PREX1: variants seen among roughly 807,000 people sequenced by gnomAD.
PREX1 encodes the protein phosphatidylinositol 3,4,5-trisphosphate-dependent Rac exchanger 1 protein.
Under a neutral mutation model 198.3 loss-of-function variants are expected in PREX1, and 41 were observed. That is an observed-to-expected ratio of 0.21 (90% CI 0.16 to 0.27). The LOEUF (loss-of-function observed/expected upper bound fraction) is 0.27, where lower values mean the gene tolerates loss of function less well. Ranked by LOEUF, PREX1 falls within the 10% of genes least tolerant of loss-of-function variation. The pLI is 1.00. For missense variants in PREX1, 1,620 were observed against 2,200.7 expected, an observed-to-expected ratio of 0.74 and a Z score of 5.28; for synonymous variants, 843 against 887.2, an observed-to-expected ratio of 0.95 and a Z score of 0.89.
At chr20:48,695,627 G>A (rs2089841386) in intron 7 of PREX1, among the ~76,000 whole-genome samples, 1 of 152,180 alleles carries the variant, frequency 6.6e-6, no homozygotes, top group Admixed American at 6.5e-5. Context: ...TACAGTAGGA[G>A]CTCATTAATA....
intron 1 of PREX1, among the ~76,000 whole-genome samples, chr20:48,748,182 CA>C (rs1209641848): frequency 6.6e-6 from 1 of 152,116 alleles, no homozygotes; most frequent in African/African-American, 2.4e-5. Flanking sequence ...ACCTTTGGCC[CA>C]AAAAGATACA....
Position 48,745,106 on chromosome 20 carries a change from C to T in PREX1, c.333G>A (p.Lys111=), listed in dbSNP as rs368442186. 15 of 1,614,032 alleles carry T rather than the reference C, an allele frequency of 9.3e-6. No homozygotes were observed. The African/African-American group carries it at 1.9e-4, about 20-fold the overall frequency. ...AATACTCCAAGGCGGCCAAGAAATC[C>T]TTATGAACTTCCAGGATGTCTTCGA... ...SNIEDILEVH[K]DFLAALEYCL... is the part of the protein sequence containing the mutation. The change falls in exon 3 of 40, where the codon AAG becomes AAA. Residue 111 remains lysine (K), a synonymous_variant. Coordinates refer to ENST00000371941, the MANE Select transcript of PREX1 (RefSeq NM_020820.4).
chr20:48,665,068 A>ACTCCAGACGGCCTGAATTCTAATCCCGG lies in PREX1; in HGVS notation c.1738+1187_1738+1214dup, dbSNP rs1181622453. ...CCAGACGGCCTGAATTCTAATCCCG[A>ACTCCAGACGGCCTGAATTCTAATCCCGG]CTCCAGACGGCCTGAATTCTAATCC... On this transcript the variant is annotated intron_variant, in intron 15 of 39. Coordinates refer to ENST00000371941, the MANE Select transcript of PREX1 (RefSeq NM_020820.4). 7.4e-3 allele frequency among the ~76,000 whole-genome samples: 600 copies of ACTCCAGACGGCCTGAATTCTAATCCCGG among 81,096 alleles called. 180 individuals carry two copies. Among genetic ancestry groups the ACTCCAGACGGCCTGAATTCTAATCCCGG allele is most frequent in the Admixed American group, 8.8e-3 (56 of 6,348 alleles). The allele number at this position is 81,096 out of a possible 152,430, so 53.2% of individuals were successfully genotyped here.
intron 8 of PREX1, chr20:48,692,445 G>A: frequency 4.5e-6 from 2 of 440,956 alleles, no homozygotes; most frequent in Admixed American, 3.5e-5. Flanking sequence ...CTTCTAGGGG[G>A]AAGAAGGCAT....
At chr20:48,863,733 A>C in the PREX1 span, among the ~76,000 whole-genome samples, 1 of 151,708 alleles carries the variant, frequency 6.6e-6, no homozygotes, top group Non-Finnish European at 1.5e-5. Context: ...GACTACAGGC[A>C]CACACCACCA....
At chr20:48,828,398 C>T (rs1307649839), upstream of PREX1, among the ~76,000 whole-genome samples, 2 of 152,160 alleles carry the variant, frequency 1.3e-5, no homozygotes, top group African/African-American at 4.8e-5. Flanking sequence ...CAGGCTCCTG[C>T]TTGCAGGTCC....
chr20:48,806,898 C>G (rs1454074588), intron 1 of PREX1, among the ~76,000 whole-genome samples: 1 of 152,292 alleles, frequency 6.6e-6, no homozygotes, highest in East Asian at 1.9e-4. Flanking sequence ...AAAAGGAAGT[C>G]AGAGATGCAT....
In PREX1 at chr20:48,652,620, G is replaced by A. The variant is rs141409875; in HGVS notation, c.2433C>T (p.Gly811=). The A allele has an allele frequency of 3.8e-4, 613 of 1,612,994 alleles. 2 individuals are homozygous for A. The African/African-American group carries it at 7.2e-3, about 19-fold the overall frequency. Residue 811 remains glycine, a synonymous_variant, in exon 21 of 40, where the codon GGC becomes GGT. Transcript: ENST00000371941. ...SQEASTEDPS[G]EQAQEEDQAD... Reference sequence around the variant, plus strand: ...CCTGGTCTTCCTCCTGGGCCTGCTCGCCACTGGGGTCCTCAGTGGAGGCCT... The same window carrying A: ...CCTGGTCTTCCTCCTGGGCCTGCTCACCACTGGGGTCCTCAGTGGAGGCCT...
At chr20:48,762,094 T>C (rs1299859614) in intron 1 of PREX1, among the ~76,000 whole-genome samples, 1 of 152,196 alleles carries the variant, frequency 6.6e-6, no homozygotes, top group Admixed American at 6.5e-5. Flanking sequence ...ACCTGCTACT[T>C]CGCCTTTACC....
At chr20:48,864,056 A>G in the PREX1 span, among the ~76,000 whole-genome samples, 1 of 152,216 alleles carries the variant, frequency 6.6e-6, no homozygotes, top group African/African-American at 2.4e-5. Context: ...CGTTTTGGCA[A>G]TTATGAACAA....
the PREX1 span, among the ~76,000 whole-genome samples, chr20:48,844,436 A>T: frequency 6.6e-6 from 1 of 152,154 alleles, no homozygotes; most frequent in African/African-American, 2.4e-5. Context: ...TCTGGAGAGA[A>T]TGAACCCTCC....
rs1016219181 is a variant in PREX1 at position 48,690,834 on chromosome 20, C to T, written c.1186+113G>A. The stretch of plus-strand genomic sequence containing the variant: ...CCCTTCAAATACCTGCTTCTTACAG[C>T]TCTGATCCTCCTGAAAAGGACCCTA... On this transcript the variant is annotated intron_variant, in intron 9 of 39. Transcript: ENST00000371941. 6 of 1,455,818 alleles carry T rather than the reference C, an allele frequency of 4.1e-6. No individual in the cohort carries two copies. The African/African-American group carries it at 7.0e-5, about 17-fold the overall frequency. 90.2% of individuals were successfully genotyped at this position (1,455,818 alleles called of 1,614,324 possible). A position where few individuals can be genotyped will look rare whatever the true frequency, so the allele number is the denominator to read the frequency against.
chr20:48,630,412 T>C (rs554690054), intron 36 of PREX1, among the ~76,000 whole-genome samples: 5 of 152,150 alleles, frequency 3.3e-5, no homozygotes, highest in Admixed American at 6.5e-5. Context: ...TTGAAACACA[T>C]AAACAAAAAG....
intron 1 of PREX1, among the ~76,000 whole-genome samples, chr20:48,813,865 G>A (rs1315439710): frequency 1.3e-5 from 2 of 152,146 alleles, no homozygotes; most frequent in African/African-American, 4.8e-5. Context: ...TTCCATAAGA[G>A]CGCCTGTAGC....
At chr20:48,856,058 A>G in the PREX1 span, among the ~76,000 whole-genome samples, 6 of 152,264 alleles carry the variant, frequency 3.9e-5, no homozygotes, top group Non-Finnish European at 8.8e-5. Context: ...GAAACATGAC[A>G]GAGGAGAGCT....
intron 1 of PREX1, among the ~76,000 whole-genome samples, chr20:48,767,491 G>A (rs918325622): frequency 7.9e-5 from 12 of 151,944 alleles, no homozygotes; most frequent in Admixed American, 2.0e-4. Context: ...GGGAGGGTAC[G>A]TGGGCCTCTG....
chr20:48,672,079 G>GC (rs1425471708), intron 14 of PREX1, among the ~76,000 whole-genome samples: 4 of 152,186 alleles, frequency 2.6e-5, no homozygotes, highest in Admixed American at 6.5e-5. Context: ...CCACGAGAAA[G>GC]CCCCCCGCAT....
At chr20:48,815,892 C>T (rs926098193) in intron 1 of PREX1, among the ~76,000 whole-genome samples, 6 of 152,122 alleles carry the variant, frequency 3.9e-5, no homozygotes, top group African/African-American at 1.4e-4. Context: ...TGCCTGTAAT[C>T]CCCGCTACTC....
rs1221495314 is a variant in PREX1, at chr20:48,684,579, G to A, written c.1335-3244C>T. ...GGGTGAAACCCAAGGCCTTCGTCCA[G>A]GAAGCTTTTCCTGACGGCCCCTGCC... On this transcript the variant is annotated intron_variant, in intron 10 of 39. Transcript: ENST00000371941. This position sits in a 1 kb window ranked among gnomAD's most constrained non-coding sequence, Gnocchi z 4.2. 6.6e-6 allele frequency among the ~76,000 whole-genome samples: 1 copy of A among 152,204 alleles called. No homozygotes were observed. The highest frequency in any genetic ancestry group is 2.4e-5 in the African/African-American group (1 of 41,450).
Sources: gnomAD v4.1 joint callset for allele counts (sites outside exome capture counted in the v4.1 genomes callset) on GRCh38, gnomAD v4.1.1 for gene constraint, Gnocchi (gnomAD v3.1) non-coding constraint, MANE v1.5 for transcripts, NCBI Gene and HGNC (gene_info 2026-07-23, HGNC 2026-07-21) for gene names.